SMARCD3: variants seen among roughly 807,000 people sequenced by gnomAD.
The protein encoded by SMARCD3 is SWI/SNF-related matrix-associated actin-dependent regulator of chromatin subfamily D member 3.
In SMARCD3, 14 loss-of-function variants were observed where a neutral mutation model predicts 58.0. The observed-to-expected ratio is 0.24, with a 90% CI of 0.16 to 0.38. The LOEUF (loss-of-function observed/expected upper bound fraction) is 0.38. Among genes scored for constraint, SMARCD3 ranks in the 10% least tolerant of loss-of-function variants. The pLI is 1.00. For missense variants in SMARCD3, 408 were observed against 636.9 expected (o/e 0.64, Z 3.87); for synonymous variants, 253 against 253.8 (o/e 1.00, Z 0.03).
chr7:151,273,421 C>T (rs1795238749), intron 2 of SMARCD3, among the ~76,000 whole-genome samples: 2 of 152,242 alleles, frequency 1.3e-5, no homozygotes, highest in South Asian at 4.1e-4. Context: ...TAGGAGGACT[C>T]TCCACGTGGG....
At chr7:151,274,135 A>G (rs752011323) in intron 2 of SMARCD3, among the ~76,000 whole-genome samples, 2 of 152,174 alleles carry the variant, frequency 1.3e-5, no homozygotes, top group Non-Finnish European at 2.9e-5. Flanking sequence ...TTTGTGCCCA[A>G]TTGTCAAGGC....
intron 2 of SMARCD3, among the ~76,000 whole-genome samples, chr7:151,255,979 C>G (rs552547137): frequency 3.8e-4 from 57 of 151,916 alleles, no homozygotes; most frequent in Admixed American, 1.5e-3. Context: ...CTCCCAGGTT[C>G]AAGCAATTCT....
intron 2 of SMARCD3, among the ~76,000 whole-genome samples, chr7:151,272,074 T>G (rs1795190727): frequency 6.6e-6 from 1 of 152,216 alleles, no homozygotes. Context: ...GGGAGTATTG[T>G]GTTGGTCCTT....
intron 2 of SMARCD3, among the ~76,000 whole-genome samples, chr7:151,259,428 T>TGTGTGTGTGTGTG (rs1171138545): frequency 6.6e-6 from 1 of 150,484 alleles, no homozygotes; most frequent in African/African-American, 2.5e-5. Flanking sequence ...TGTGTGTGTG[T>TGTGTGTGTGTGTG]TTCTAAAGGA....
At chr7:151,259,626 T>TTTTTTTA (rs1803850533) in intron 2 of SMARCD3, among the ~76,000 whole-genome samples, 2 of 144,420 alleles carry the variant, frequency 1.4e-5, no homozygotes, top group Non-Finnish European at 3.0e-5. Context: ...TTTTTTTTTT[T>TTTTTTTA]GAGACGGACT....
chr7:151,255,510 T>A lies in SMARCD3; in HGVS notation c.40-9839A>T, dbSNP rs138768560. Among the ~76,000 whole-genome samples the A allele has an allele frequency of 4.3e-3, 661 of 152,254 alleles. 2 individuals carry two copies. The highest frequency in any genetic ancestry group is 0.015 in the African/African-American group (635 of 41,556). On this transcript the variant is annotated intron_variant, in intron 2 of 13. Transcript: ENST00000356800. The stretch of plus-strand genomic sequence containing the variant: ...GTCACTCTCCGGAGCACCACTCCTG[T>A]CCAGCCTGCTGCATGCTCTTCCAGA...
chr7:151,250,934 G>A (rs896245905), upstream of SMARCD3, among the ~76,000 whole-genome samples: 1 of 152,216 alleles, frequency 6.6e-6, no homozygotes. Context: ...CACCCACCAT[G>A]GGTGCGTCTA....
At chr7:151,259,089 C>T (rs557216829) in intron 2 of SMARCD3, among the ~76,000 whole-genome samples, 3 of 152,244 alleles carry the variant, frequency 2.0e-5, no homozygotes, top group African/African-American at 7.2e-5. Context: ...CAGTGGCTCA[C>T]ACTTGTAATC....
At chr7:151,275,280 C>G (rs1795306763) in intron 1 of SMARCD3, 2 of 808,066 alleles carry the variant, frequency 2.5e-6, no homozygotes, top group Non-Finnish European at 4.2e-6. Context: ...CCCTGAGCCC[C>G]AGCGTAGATT....
chr7:151,254,932 T>C (rs1319831052), intron 2 of SMARCD3, among the ~76,000 whole-genome samples: 1 of 152,148 alleles, frequency 6.6e-6, no homozygotes, highest in East Asian at 1.9e-4. Context: ...TCTAAACAAA[T>C]TTTTGGGAAT....
Position 151,245,660 on chromosome 7 carries a change from C to T in SMARCD3, c.90G>A (p.Met30Ile). 2.1e-6 allele frequency: 2 copies of T among 969,656 alleles called. No individual in the cohort carries two copies. Among genetic ancestry groups the T allele is most frequent in the Non-Finnish European group, 2.7e-6 (2 of 751,004 alleles). The allele number at this position is 969,656 out of a possible 1,614,324, so 60.1% of individuals were successfully genotyped here. A position where few individuals can be genotyped will look rare whatever the true frequency, so the allele number is the denominator to read the frequency against. The change falls in exon 2 of 13, where the codon ATG (methionine) becomes ATA (isoleucine). Residue 30 changes from methionine to isoleucine, a missense_variant. By Grantham distance (10) the Met-to-Ile change is conservative. Coordinates refer to ENST00000262188, the MANE Select transcript of SMARCD3 (RefSeq NM_001003801.2). The surrounding 1 kb of genome is among the most constrained non-coding windows in gnomAD (Gnocchi z 6.2). Reference protein sequence around the residue: ...EFLVHGVRPGMPSGARMPHQG... With the variant: ...EFLVHGVRPGIPSGARMPHQG... ...GGTGGGGCATCCGGGCTCCAGACGG[C>T]ATCCCGGGGCGCTGGGGGTGGGCGG... is the stretch of plus-strand genomic sequence containing the variant.
upstream of SMARCD3, among the ~76,000 whole-genome samples, chr7:151,252,979 A>G (rs1803577002): frequency 6.6e-6 from 1 of 152,206 alleles, no homozygotes; most frequent in Non-Finnish European, 1.5e-5. Context: ...AAACTAGGAC[A>G]CCAAAATAAT....
Position 151,248,638 on chromosome 7 carries a change from T to C in SMARCD3, c.-76A>G. 6.3e-7 allele frequency: 1 copy of C among 1,592,610 alleles called. No homozygotes were observed. The highest frequency in any genetic ancestry group is 8.6e-7 in the Non-Finnish European group (1 of 1,166,770). ...TTCCCTTTTCTGCCTTTTTTTTTCC[T>C]CCAACTCTCCCCTCTGAGTCCTGCT... is the stretch of plus-strand genomic sequence containing the variant. On this transcript the variant is annotated 5_prime_UTR_variant, in exon 1 of 13. Coordinates refer to ENST00000262188, the MANE Select transcript of SMARCD3 (RefSeq NM_001003801.2). This position sits in a 1 kb window ranked among gnomAD's most constrained non-coding sequence, Gnocchi z 6.1.
At chr7:151,256,906 C>T (rs1803719146) in intron 2 of SMARCD3, among the ~76,000 whole-genome samples, 1 of 152,258 alleles carries the variant, frequency 6.6e-6, no homozygotes, top group South Asian at 2.1e-4. Context: ...TGTGCCAGCT[C>T]CGTCCCTCCT....
intron 8 of SMARCD3, 49 bp from the exon 9 acceptor site, chr7:151,240,571 C>A (rs754524461): frequency 7.5e-6 from 10 of 1,340,040 alleles, no homozygotes; most frequent in African/African-American, 1.4e-5. Context: ...TTGAAGAGAT[C>A]ATCATGCAGT....
intron 2 of SMARCD3, among the ~76,000 whole-genome samples, chr7:151,259,752 G>A (rs1803856207): frequency 2.0e-5 from 3 of 151,932 alleles, no homozygotes; most frequent in South Asian, 4.2e-4. Context: ...TGGGATTACA[G>A]GCATGCACCA....
At chr7:151,259,601 G>T (rs1584888962) in intron 2 of SMARCD3, among the ~76,000 whole-genome samples, 10 of 70,524 alleles carry the variant, frequency 1.4e-4, no homozygotes, top group African/African-American at 3.5e-4. Flanking sequence ...CAACCTGAGA[G>T]TTTTTTTTTT....
At chr7:151,276,634 C>T (rs1164381670) in intron 1 of SMARCD3, 1 of 39,236 alleles carries the variant, frequency 2.5e-5, no homozygotes, top group Non-Finnish European at 4.4e-5. Context: ...GGAAGAGGTA[C>T]GAGGTTGGGG....
rs570103155 is a variant in SMARCD3, at chr7:151,261,907, G to T, written c.39+13207C>A. Reference sequence around the variant, plus strand: ...CTGGGAGCCCTGCGGGAAGTGTGGGGTCTACTCAAGCCACTGGACGCTTCC... The same window carrying T: ...CTGGGAGCCCTGCGGGAAGTGTGGGTTCTACTCAAGCCACTGGACGCTTCC... On this transcript the variant is annotated intron_variant, in intron 2 of 13. Transcript: ENST00000356800. 3.9e-3 allele frequency among the ~76,000 whole-genome samples: 588 copies of T among 152,280 alleles called. 8 individuals carry two copies. The highest frequency in any genetic ancestry group is 4.0e-3 in the Non-Finnish European group (273 of 68,008).
Sources: gnomAD v4.1 joint callset for allele counts (sites outside exome capture counted in the v4.1 genomes callset) on GRCh38, gnomAD v4.1.1 for gene constraint, Gnocchi (gnomAD v3.1) non-coding constraint, MANE v1.5 for transcripts, NCBI Gene and HGNC (gene_info 2026-07-23, HGNC 2026-07-21) for gene names.